The following ASIC2 variants were observed in gnomAD, a reference collection of about 807,000 sequenced individuals.
ASIC2 encodes the protein acid-sensing ion channel 2.
ASIC2 carries 25 observed loss-of-function variants against 57.3 expected under a neutral mutation model. That is an observed-to-expected ratio of 0.44 (90% CI 0.32 to 0.61). ASIC2 has a LOEUF of 0.61. Ranked by LOEUF, ASIC2 falls within the 20% of genes least tolerant of loss-of-function variation. The pLI is 0.06. For synonymous variants in ASIC2, 319 were observed against 307.5 expected (o/e 1.04, Z -0.39); for missense variants, 641 against 738.1 (o/e 0.87, Z 1.52).
At chr17:33,603,385 C>T in intron 1 of ASIC2, among the ~76,000 whole-genome samples, 1 of 150,614 alleles carries the variant, frequency 6.6e-6, no homozygotes, top group Non-Finnish European at 1.5e-5. Flanking sequence ...CACAAAGGCA[C>T]CATTAACTGC....
rs995157712 is a variant in ASIC2 at position 34,156,541 on chromosome 17, C to A, written c.-9G>T. On this transcript the variant is annotated 5_prime_UTR_variant, in exon 1 of 10. Transcript: ENST00000359872. The surrounding 1 kb of genome is among the most constrained non-coding windows in gnomAD (Gnocchi z 4.4). Reference sequence around the variant, plus strand: ...CTTTCCTTGAGGTCCATCGGGACCCCGTGCAGTTCCGCAACTGGCTTCAGG... The same window carrying A: ...CTTTCCTTGAGGTCCATCGGGACCCAGTGCAGTTCCGCAACTGGCTTCAGG... 6.4e-7 allele frequency: 1 copy of A among 1,572,452 alleles called. No individual in the cohort carries two copies. The highest frequency in any genetic ancestry group is 1.7e-5 in the Admixed American group (1 of 57,198).
At chr17:33,507,728 C>G (rs1473424824) in intron 1 of ASIC2, among the ~76,000 whole-genome samples, 1 of 151,982 alleles carries the variant, frequency 6.6e-6, no homozygotes, top group Non-Finnish European at 1.5e-5. Flanking sequence ...GTGGTGAAAC[C>G]CCATCTCTAC....
At chr17:34,001,679 T>G (rs1906345441) in intron 1 of ASIC2, 1 of 152,300 alleles carries the variant, frequency 6.6e-6, no homozygotes, top group Admixed American at 6.5e-5. Flanking sequence ...TTCACTCTTC[T>G]TCCCCCACAT....
At chr17:33,824,683 G>A (rs1468384295) in intron 1 of ASIC2, among the ~76,000 whole-genome samples, 1 of 152,148 alleles carries the variant, frequency 6.6e-6, no homozygotes, top group Non-Finnish European at 1.5e-5. Context: ...GTGTTGTGGG[G>A]TCTTTCCTGT....
intron 1 of ASIC2, among the ~76,000 whole-genome samples, chr17:33,973,926 T>C (rs1343835511): frequency 1.3e-5 from 2 of 151,988 alleles, no homozygotes; most frequent in Non-Finnish European, 2.9e-5. Context: ...GCTCGAAACA[T>C]TTGCTTAAGA....
At chr17:33,655,436 C>T (rs1241814231) in intron 1 of ASIC2, among the ~76,000 whole-genome samples, 1 of 152,232 alleles carries the variant, frequency 6.6e-6, no homozygotes, top group Non-Finnish European at 1.5e-5. Flanking sequence ...GAAGAATGGT[C>T]TGCCCACTGC....
chr17:33,939,883 G>C (rs192910070), intron 1 of ASIC2, among the ~76,000 whole-genome samples: 2 of 152,318 alleles, frequency 1.3e-5, no homozygotes, highest in African/African-American at 4.8e-5. Flanking sequence ...TGGGAAAGGT[G>C]GTGCTGCTGG....
intron 1 of ASIC2, among the ~76,000 whole-genome samples, chr17:33,500,766 G>C (rs1301784720): frequency 6.6e-6 from 1 of 152,232 alleles, no homozygotes; most frequent in Non-Finnish European, 1.5e-5. Flanking sequence ...ATGGTAAGAT[G>C]TGTGTTTTCC....
At chr17:33,391,829 T>C (rs536545715) in intron 1 of ASIC2, among the ~76,000 whole-genome samples, 2 of 152,384 alleles carry the variant, frequency 1.3e-5, no homozygotes, top group Non-Finnish European at 2.9e-5. Context: ...TTATATTTTC[T>C]TATTTAATCC....
chr17:33,648,612 G>T (rs1226990930), intron 1 of ASIC2, among the ~76,000 whole-genome samples: 2 of 152,194 alleles, frequency 1.3e-5, no homozygotes, highest in Non-Finnish European at 2.9e-5. Context: ...AGCCTGCATT[G>T]TGAAACTCTA....
chr17:33,198,509 A>G (rs949570949), intron 1 of ASIC2, among the ~76,000 whole-genome samples: 5 of 152,188 alleles, frequency 3.3e-5, no homozygotes, highest in Non-Finnish European at 7.3e-5. Flanking sequence ...TGCCCTGCAG[A>G]CTTCTTGGTC....
At chr17:33,520,682 T>C (rs980828445) in intron 1 of ASIC2, among the ~76,000 whole-genome samples, 12 of 152,200 alleles carry the variant, frequency 7.9e-5, no homozygotes, top group African/African-American at 2.9e-4. Flanking sequence ...CTTGGGGCTA[T>C]GAAGGGTGGA....
chr17:33,035,724 T>G (rs2091906353), intron 3 of ASIC2, among the ~76,000 whole-genome samples: 1 of 152,224 alleles, frequency 6.6e-6, no homozygotes, highest in African/African-American at 2.4e-5. Flanking sequence ...TGGCAGCAAC[T>G]GAAATTACTG....
intron 1 of ASIC2, among the ~76,000 whole-genome samples, chr17:33,713,650 C>T (rs910252530): frequency 1.3e-5 from 2 of 152,240 alleles, no homozygotes; most frequent in Non-Finnish European, 2.9e-5. Context: ...TAAATAGTCA[C>T]ATTCACAGTT....
At chr17:34,053,355 T>C (rs1410648903) in intron 1 of ASIC2, among the ~76,000 whole-genome samples, 1 of 152,224 alleles carries the variant, frequency 6.6e-6, no homozygotes, top group Non-Finnish European at 1.5e-5. Flanking sequence ...AGTGCCATTA[T>C]GGCCTCTGTG....
intron 1 of ASIC2, among the ~76,000 whole-genome samples, chr17:33,231,490 C>A (rs1279848534): frequency 6.6e-6 from 1 of 152,124 alleles, no homozygotes; most frequent in Non-Finnish European, 1.5e-5. Context: ...TGTCTGGTTG[C>A]CCCTAGCTTG....
At chr17:34,114,423 G>A (rs900925635) in intron 1 of ASIC2, among the ~76,000 whole-genome samples, 5 of 152,132 alleles carry the variant, frequency 3.3e-5, no homozygotes, top group Admixed American at 1.3e-4. Context: ...ACTTCTGCAT[G>A]GGGCTAGCCC....
Position 33,606,813 on chromosome 17 carries a change from AG to A in ASIC2, c.556-494747del, listed in dbSNP as rs965065220. Among the ~76,000 whole-genome samples, 15 of 152,344 alleles carry A rather than the reference AG, an allele frequency of 9.8e-5. 1 individual carries two copies. The highest frequency in any genetic ancestry group is 3.4e-3 in the Middle Eastern group (1 of 294). ...CCAAGGGAAGGCAAGATGCCAACAA[AG>A]GGGGCTGAGAACTCCAACCCAGGGT... is the stretch of plus-strand genomic sequence containing the variant. On this transcript the variant is annotated intron_variant, in intron 1 of 9. Coordinates refer to the ASIC2 transcript ENST00000359872.
intron 1 of ASIC2, among the ~76,000 whole-genome samples, chr17:33,375,078 T>C (rs2141941692): frequency 1.3e-5 from 2 of 152,326 alleles, no homozygotes; most frequent in South Asian, 4.1e-4. Flanking sequence ...GAATTATTAA[T>C]TAATTATTTA....
Sources: gnomAD v4.1 joint callset for allele counts (sites outside exome capture counted in the v4.1 genomes callset) on GRCh38, gnomAD v4.1.1 for gene constraint, Gnocchi (gnomAD v3.1) non-coding constraint, MANE v1.5 for transcripts, NCBI Gene and HGNC (gene_info 2026-07-23, HGNC 2026-07-21) for gene names.